Variants in PRDM7 observed in about 807,000 individuals in gnomAD.
The protein encoded by PRDM7 is PR/SET domain 7, also known as histone-lysine N-methyltransferase PRDM7.
In PRDM7, 52 loss-of-function variants were observed where a neutral mutation model predicts 64.3. That is an observed-to-expected ratio of 0.81 (90% confidence interval 0.65 to 1.02). The LOEUF (loss-of-function observed/expected upper bound fraction) is 1.02, where lower values mean the gene tolerates loss of function less well. PRDM7 is among the 50% of genes least tolerant of loss of function. The probability of loss-of-function intolerance (pLI) is 0.00; values close to 1 mark genes in which losing one functional copy is unlikely to be tolerated. For synonymous variants in PRDM7, 192 were observed against 210.1 expected (o/e 0.91, Z 0.74); for missense variants, 574 against 597.1 (o/e 0.96, Z 0.40).
At chr16:90,059,807 G>A (rs1384060505) in intron 10 of PRDM7, among the ~76,000 whole-genome samples, 1 of 152,222 alleles carries the variant, frequency 6.6e-6, no homozygotes, top group African/African-American at 2.4e-5. Context: ...ATCGCCGTCT[G>A]ATATTACACA....
chr16:90,068,416 A>G (rs1430499490), intron 4 of PRDM7, among the ~76,000 whole-genome samples: 1 of 151,256 alleles, frequency 6.6e-6, no homozygotes, highest in East Asian at 1.9e-4. Context: ...TGGGGGGATC[A>G]CGAGGTCAGG....
chr16:90,060,494 C>A lies in PRDM7; in HGVS notation c.1080G>T (p.Glu360Asp). The A allele has an allele frequency of 1.2e-6, 2 of 1,613,920 alleles. No individual in the cohort carries two copies. Among genetic ancestry groups the A allele is most frequent in the Non-Finnish European group, 1.7e-6 (2 of 1,179,882 alleles). ...GCELLVWSGD[E>D]YGQELGIRSS... ...ATCTGATGCCCAGTTCCTGGCCATA[C>A]TCATCCCCAGACCAGACCAGCAGTT... Residue 360 changes from glutamate (E) to aspartate (D), a missense_variant, in exon 10 of 11, where the codon GAG becomes GAT. Coordinates refer to ENST00000449207, the MANE Select transcript of PRDM7 (RefSeq NM_001098173.2).
In PRDM7 at chr16:90,066,905, G is replaced by C. The variant is rs752716181; in HGVS notation, c.307C>G (p.Pro103Ala). ...EEWTPRQQVK[P>A]PWMAFRGEQS... ...TCTCCTCTGAAGGCCATCCAAGGAG[G>C]TTTGACTAAGAGGTGATGAGAAATC... Residue 103 changes from proline (P) to alanine (A), a missense_variant, in exon 5 of 11, where the codon CCT becomes GCT. By Grantham distance (27) the Pro-to-Ala change is conservative (BLOSUM62 -1). Transcript: ENST00000449207. 8.8e-6 allele frequency: 14 copies of C among 1,595,434 alleles called. No individual in the cohort carries two copies. In the South Asian group the frequency reaches 1.4e-4, roughly 16 times the overall value.
At chr16:90,069,527 A>T (rs1274384182) in intron 4 of PRDM7, among the ~76,000 whole-genome samples, 1 of 151,352 alleles carries the variant, frequency 6.6e-6, no homozygotes, top group Non-Finnish European at 1.5e-5. Flanking sequence ...CAAACTTAAA[A>T]ACTTCTGTGT....
Position 90,066,877 on chromosome 16 carries a change from T to C in PRDM7, c.335A>G (p.Gln112Arg). 1 of 1,597,832 alleles carries C rather than the reference T, an allele frequency of 6.3e-7. No homozygotes were observed. The highest frequency in any genetic ancestry group is 8.6e-7 in the Non-Finnish European group (1 of 1,167,520). Residue 112 changes from glutamine (Q) to arginine (R), a missense_variant, in exon 5 of 11, where the codon CAG (glutamine) becomes CGG (arginine). By Grantham distance (43) the Gln-to-Arg change is conservative. Coordinates refer to ENST00000449207, the MANE Select transcript of PRDM7 (RefSeq NM_001098173.2). ...GATACTTACCTTCTGGTGTTTACTC[T>C]GTTCTCCTCTGAAGGCCATCCAAGG... is the stretch of plus-strand genomic sequence containing the variant. ...KPPWMAFRGEQSKHQKGMPKA... is the reference protein window; with the variant it reads ...KPPWMAFRGERSKHQKGMPKA...
chr16:90,066,208 G>C (rs1567877669), intron 5 of PRDM7, among the ~76,000 whole-genome samples: 3 of 151,312 alleles, frequency 2.0e-5, no homozygotes, highest in Admixed American at 6.6e-5. Flanking sequence ...AGGGCTGGAA[G>C]CTGCTTCCTC....
Position 90,057,459 on chromosome 16 carries a change from C to G in PRDM7, c.*830G>C, listed in dbSNP as rs988093517. On this transcript the variant is annotated 3_prime_UTR_variant, in exon 11 of 11. Coordinates refer to ENST00000449207, the MANE Select transcript of PRDM7 (RefSeq NM_001098173.2). ...GACTTGAACTGAACGTTTGAGTTCT[C>G]TGTGGCCCTTCTGGACTCTTCCTTC... 5.8e-6 allele frequency: 1 copy of G among 172,012 alleles called. No individual in the cohort carries two copies. Among genetic ancestry groups the G allele is most frequent in the Non-Finnish European group, 1.3e-5 (1 of 79,994 alleles). 10.7% of individuals were successfully genotyped at this position (172,012 alleles called of 1,614,324 possible). A position where few individuals can be genotyped will look rare whatever the true frequency, so the allele number is the denominator to read the frequency against.
At position 90,060,330 on chromosome 16, in the gene PRDM7, G is replaced by A; in HGVS notation, c.1233+11C>T. ...TTCCTGTCCTTTTAAAAGAGTAATA[G>A]TGATGCCTACCTCTCCCTGCCATGA... On this transcript the variant is annotated intron_variant, in intron 10 of 10. Transcript: ENST00000449207. 6.2e-7 allele frequency: 1 copy of A among 1,613,876 alleles called. No homozygotes were observed.
At chr16:90,067,319 T>C (rs2037891414) in intron 4 of PRDM7, among the ~76,000 whole-genome samples, 1 of 151,134 alleles carries the variant, frequency 6.6e-6, no homozygotes, top group Non-Finnish European at 1.5e-5. Flanking sequence ...AGAGTGATGA[T>C]TCCAAGTATT....
Position 90,075,156 on chromosome 16 carries a change from A to G in PRDM7, c.194-133T>C. 1.5e-6 allele frequency: 2 copies of G among 1,344,196 alleles called. No homozygotes were observed. The highest frequency in any genetic ancestry group is 2.5e-5 in the South Asian group (2 of 80,776). 83.3% of individuals were successfully genotyped at this position (1,344,196 alleles called of 1,614,324 possible). ...GCTGGGAGAGTCTTGAACAAGGTCA[A>G]GATGTGACCTCTGCATGGTCAGTAT... On this transcript the variant is annotated intron_variant, in intron 3 of 10. Transcript: ENST00000449207. This position sits in a 1 kb window ranked among gnomAD's most constrained non-coding sequence, Gnocchi z 4.3.
rs2037696997 is a variant in PRDM7, at chr16:90,057,078, C to A, written c.*1211G>T. ...CACCCTTGAAACCCCCACACTCACA[C>A]AGATACGTACACAGAGGGCACATAC... On this transcript the variant is annotated 3_prime_UTR_variant, in exon 11 of 11. Coordinates refer to ENST00000449207, the MANE Select transcript of PRDM7 (RefSeq NM_001098173.2). The A allele has an allele frequency of 6.6e-6, 1 of 152,426 alleles. No homozygotes were observed. Among genetic ancestry groups the A allele is most frequent in the Non-Finnish European group, 1.5e-5 (1 of 68,162 alleles). The allele number at this position is 152,426 out of a possible 1,614,324, so 9.4% of individuals were successfully genotyped here. A position where few individuals can be genotyped will look rare whatever the true frequency, so the allele number is the denominator to read the frequency against.
intron 10 of PRDM7, 61 bp downstream of exon 10, chr16:90,060,280 A>G: frequency 6.2e-7 from 1 of 1,612,946 alleles, no homozygotes; most frequent in Non-Finnish European, 8.5e-7. Context: ...TTCAATCATG[A>G]AAATTCTCTA....
rs1008936205 is a variant in PRDM7, at chr16:90,070,670, C to T, written c.302-3760G>A. Among the ~76,000 whole-genome samples the T allele has an allele frequency of 7.3e-5, 11 of 151,682 alleles. 1 individual carries two copies. Among genetic ancestry groups the T allele is most frequent in the Admixed American group, 7.2e-4 (11 of 15,258 alleles). Reference sequence around the variant, plus strand: ...TCCTGCTGTTGGCACACAAATAATTCATGTAAATACACAGTGAGCTGGAGG... The same window carrying T: ...TCCTGCTGTTGGCACACAAATAATTTATGTAAATACACAGTGAGCTGGAGG... On this transcript the variant is annotated intron_variant, in intron 4 of 10. Coordinates refer to ENST00000449207, the MANE Select transcript of PRDM7 (RefSeq NM_001098173.2).
intron 4 of PRDM7, among the ~76,000 whole-genome samples, 155 bp from the exon 5 acceptor site, chr16:90,067,065 A>G (rs1165687053): frequency 2.6e-5 from 4 of 151,066 alleles, no homozygotes; most frequent in Non-Finnish European, 5.9e-5. Flanking sequence ...CCCGGATTCA[A>G]GCAATTCTCC....
chr16:90,060,310 G>C (rs747763598), intron 10 of PRDM7, 31 bp downstream of exon 10: 3 of 1,613,646 alleles, frequency 1.9e-6, no homozygotes, highest in Non-Finnish European at 2.5e-6. Flanking sequence ...TTTCTTTCCT[G>C]TCCTTTTAAA....
Position 90,058,253 on chromosome 16 carries a change from A to T in PRDM7, c.*36T>A. 1.2e-6 allele frequency: 2 copies of T among 1,614,124 alleles called. No individual in the cohort carries two copies. Among genetic ancestry groups the T allele is most frequent in the Non-Finnish European group, 8.5e-7 (1 of 1,180,008 alleles). On this transcript the variant is annotated 3_prime_UTR_variant, in exon 11 of 11. Coordinates refer to ENST00000449207, the MANE Select transcript of PRDM7 (RefSeq NM_001098173.2). The stretch of plus-strand genomic sequence containing the variant: ...ATTTGTCCTTTGGGTGGGCTAGAAA[A>T]GGCCCTTGAAATCTCCCTCTGCCAT...
chr16:90,060,316 T>G (rs749077743), intron 10 of PRDM7, 25 bp downstream of exon 10: 1 of 1,613,894 alleles, frequency 6.2e-7, no homozygotes, highest in Non-Finnish European at 8.5e-7. Context: ...TCCTGTCCTT[T>G]TAAAAGAGTA....
chr16:90,067,359 A>G (rs2037891999), intron 4 of PRDM7, among the ~76,000 whole-genome samples: 1 of 151,150 alleles, frequency 6.6e-6, no homozygotes, highest in South Asian at 2.1e-4. Flanking sequence ...ATGTTTTCTG[A>G]AGTATCATTA....
chr16:90,064,228 C>T (rs2037833074), intron 5 of PRDM7, among the ~76,000 whole-genome samples: 1 of 152,178 alleles, frequency 6.6e-6, no homozygotes, highest in Non-Finnish European at 1.5e-5. Flanking sequence ...AAAAATATAT[C>T]TAGACAACTA....
Sources: gnomAD v4.1 joint callset for allele counts (sites outside exome capture counted in the v4.1 genomes callset) on GRCh38, gnomAD v4.1.1 for gene constraint, Gnocchi (gnomAD v3.1) non-coding constraint, MANE v1.5 for transcripts, NCBI Gene and HGNC (gene_info 2026-07-23, HGNC 2026-07-21) for gene names.